Variants in PIN4 observed in about 807,000 individuals in gnomAD.
PIN4 encodes peptidylprolyl cis/trans isomerase, NIMA-interacting 4.
PIN4 carries 3 observed loss-of-function variants against 8.3 expected under a neutral mutation model. That is an observed-to-expected ratio of 0.36 (90% CI 0.16 to 0.93). The LOEUF (loss-of-function observed/expected upper bound fraction) is 0.93. Ranked by LOEUF, PIN4 falls within the 40% of genes least tolerant of loss-of-function variation. PIN4 has a pLI of 0.44. For missense variants in PIN4, 75 were observed against 100.6 expected (o/e 0.75, Z 1.09); for synonymous variants, 18 against 32.5 (o/e 0.55, Z 1.52).
chrX:72,200,175 A>G (rs1476275837), downstream of PIN4, among the ~76,000 whole-genome samples: 1 of 111,146 alleles, frequency 9.0e-6, no homozygotes, highest in Non-Finnish European at 1.9e-5. Context: ...AAAAAAAAAA[A>G]AGAGTTGACA....
chrX:72,205,919 C>A (rs1414786443), intron 3 of PIN4: 9 of 1,210,784 alleles, frequency 7.4e-6, no homozygotes, highest in Non-Finnish European at 1.0e-5. Flanking sequence ...AAATCACATG[C>A]ATACTGTGGT....
intron 3 of PIN4, chrX:72,262,613 C>T: frequency 3.9e-6 from 2 of 508,413 alleles, no homozygotes; most frequent in Admixed American, 6.7e-5. Flanking sequence ...TTGTCAAGAC[C>T]CCATGCAGAC....
chrX:72,200,974 C>T (rs747665953), downstream of PIN4, among the ~76,000 whole-genome samples: 17 of 111,811 alleles, frequency 1.5e-4, no homozygotes, highest in African/African-American at 5.2e-4. Context: ...CTGAGTAGGG[C>T]AAATCAGTTG....
chrX:72,239,228 A>G (rs1346207862), intron 3 of PIN4, among the ~76,000 whole-genome samples: 1 of 112,752 alleles, frequency 8.9e-6, no homozygotes, highest in African/African-American at 3.2e-5. Context: ...TCGCGTTTCA[A>G]TCCAATTCAA....
intron 3 of PIN4, among the ~76,000 whole-genome samples, chrX:72,252,511 T>A (rs1428878315): frequency 9.0e-6 from 1 of 110,911 alleles, no homozygotes; most frequent in Non-Finnish European, 1.9e-5. Context: ...AGCCTCAGCC[T>A]CCCAAGTAAC....
chrX:72,263,055 G>T, exon 4 of PIN4: 1 of 269,437 alleles, frequency 3.7e-6, no homozygotes, highest in East Asian at 7.3e-5. Context: ...GCACCCACAG[G>T]GTGCCAGTGA....
chrX:72,188,585 C>T (rs2042715830), intron 2 of PIN4, among the ~76,000 whole-genome samples: 1 of 112,428 alleles, frequency 8.9e-6, no homozygotes, highest in Admixed American at 9.4e-5. Context: ...TCTTGAACTC[C>T]TGACCTCAGG....
rs748335298 is a variant in PIN4, at chrX:72,248,882, A to C, written c.313-13825A>C. Among the ~76,000 whole-genome samples, 36 of 110,415 alleles carry C rather than the reference A, an allele frequency of 3.3e-4. No homozygotes were observed. The South Asian group carries it at 0.01, about 31-fold the overall frequency. ...ACAGAGCAAGACTCCATCTCAAAAA[A>C]AGAAAAGAAAAAGAAAAAAAAAAAC... On this transcript the variant is annotated intron_variant, in intron 3 of 3. Transcript: ENST00000423432.
intron 2 of PIN4, among the ~76,000 whole-genome samples, chrX:72,195,714 G>A (rs956556218): frequency 3.6e-5 from 4 of 111,695 alleles, no homozygotes; most frequent in Non-Finnish European, 7.5e-5. Context: ...GCTAGCCGTT[G>A]GTCAATGGTA....
At chrX:72,219,749 T>A (rs1602444503) in intron 3 of PIN4, among the ~76,000 whole-genome samples, 4 of 101,472 alleles carry the variant, frequency 3.9e-5, no homozygotes, top group African/African-American at 1.1e-4. Flanking sequence ...CTCAGGAGGC[T>A]GAGGCAGGAG....
intron 3 of PIN4, among the ~76,000 whole-genome samples, chrX:72,239,282 T>C (rs1294076350): frequency 1.8e-5 from 2 of 112,601 alleles, no homozygotes; most frequent in Non-Finnish European, 3.8e-5. Flanking sequence ...GTGCCATCAT[T>C]GTGAGTGGAG....
At chrX:72,239,764 T>A (rs181014121) in intron 3 of PIN4, among the ~76,000 whole-genome samples, 1,418 of 63,194 alleles carry the variant, frequency 0.022, 16 homozygotes, top group Non-Finnish European at 0.029. Flanking sequence ...AAAGCGAGAC[T>A]CCATCTCAAA....
intron 3 of PIN4, among the ~76,000 whole-genome samples, chrX:72,249,641 C>A (rs1253034820): frequency 8.9e-6 from 1 of 111,793 alleles, no homozygotes; most frequent in Admixed American, 9.5e-5. Context: ...ACCTCAAGGG[C>A]ATTATACTAA....
intron 2 of PIN4, among the ~76,000 whole-genome samples, chrX:72,188,291 A>T (rs2042713644): frequency 8.9e-6 from 1 of 112,351 alleles, no homozygotes; most frequent in Admixed American, 9.4e-5. Flanking sequence ...TGCAGTTTTC[A>T]CCTAATATGT....
At chrX:72,238,989 G>C in intron 3 of PIN4, 1 of 996,067 alleles carries the variant, frequency 1.0e-6, no homozygotes, top group African/African-American at 1.9e-5. Context: ...GGAGCTTAGA[G>C]TTTGGAGCTT....
downstream of PIN4, among the ~76,000 whole-genome samples, chrX:72,200,602 T>C (rs67596089): frequency 0.43 from 47,772 of 111,209 alleles, 9,173 homozygotes; most frequent in East Asian, 0.98. Context: ...AACTGAACAC[T>C]AACAATAGAT....
At chrX:72,186,671 T>C in intron 2 of PIN4, 137 bp downstream of exon 2, 1 of 483,003 alleles carries the variant, frequency 2.1e-6, no homozygotes, top group Non-Finnish European at 3.5e-6. Context: ...CACAAAATTG[T>C]AGCTGGGCGC....
chrX:72,208,436 A>G (rs746914949), intron 3 of PIN4: 1 of 1,211,703 alleles, frequency 8.3e-7, no homozygotes, highest in Non-Finnish European at 1.1e-6. Context: ...CCATCCCTAT[A>G]CAGGCTATAG....
chrX:72,185,984 C>T (rs1343483359), intron 1 of PIN4, among the ~76,000 whole-genome samples: 1 of 111,725 alleles, frequency 9.0e-6, no homozygotes, highest in East Asian at 2.8e-4. Context: ...GCTTCCGGAG[C>T]TTTCATTCAC....
Sources: allele counts gnomAD v4.1 joint callset (sites outside exome capture counted in the v4.1 genomes callset), GRCh38; gene constraint gnomAD v4.1.1; transcripts MANE v1.5; gene names NCBI Gene and HGNC (gene_info 2026-07-23, HGNC 2026-07-21).